PYGB: variants seen among roughly 807,000 people sequenced by gnomAD.
PYGB encodes the protein glycogen phosphorylase, brain form.
A neutral mutation model predicts 94.3 loss-of-function variants in PYGB; 82 were observed. The ratio of observed to expected loss-of-function variants is 0.87; its 90% CI spans 0.73 to 1.04. PYGB has a LOEUF of 1.04. Ranked by LOEUF, PYGB falls within the 50% of genes least tolerant of loss-of-function variation. The probability of loss-of-function intolerance (pLI) is 0.00; values close to 1 mark genes in which losing one functional copy is unlikely to be tolerated. For synonymous variants in PYGB, 488 were observed against 479.1 expected (o/e 1.02, Z -0.24); for missense variants, 1,132 against 1,158.2 (o/e 0.98, Z 0.33).
Position 25,290,709 on chromosome 20 carries a change from C to T in PYGB, c.1969+87C>T, listed in dbSNP as rs1049813500. ...TGGCCCCGGGCCTTTCATCCTCAGC[C>T]AGTTCAGCTCTGCCTGGACACCCAG... is the stretch of plus-strand genomic sequence containing the variant. On this transcript the variant is annotated intron_variant, in intron 16 of 19. Coordinates refer to ENST00000216962, the MANE Select transcript of PYGB (RefSeq NM_002862.4). 3 of 1,532,954 alleles carry T rather than the reference C, an allele frequency of 2.0e-6. No individual in the cohort carries two copies. The African/African-American group carries it at 4.1e-5, about 21-fold the overall frequency. The allele number at this position is 1,532,954 out of a possible 1,614,324, so 95.0% of individuals were successfully genotyped here. A position where few individuals can be genotyped will look rare whatever the true frequency, so the allele number is the denominator to read the frequency against.
intron 2 of PYGB, among the ~76,000 whole-genome samples, chr20:25,259,952 G>T (rs994366526): frequency 1.3e-5 from 2 of 152,128 alleles, no homozygotes; most frequent in East Asian, 1.9e-4. Flanking sequence ...GCATAGATGG[G>T]TGCCTTCATG....
chr20:25,249,655 G>A (rs1158565145), intron 1 of PYGB, among the ~76,000 whole-genome samples: 1 of 152,218 alleles, frequency 6.6e-6, no homozygotes, highest in Non-Finnish European at 1.5e-5. Context: ...CTAAAATGGA[G>A]ATGGTAAAAG....
intron 1 of PYGB, among the ~76,000 whole-genome samples, chr20:25,258,946 C>A (rs2092907853): frequency 6.6e-6 from 1 of 152,258 alleles, no homozygotes; most frequent in Admixed American, 6.5e-5. Flanking sequence ...TTGGCCCCAA[C>A]CACCAACCTG....
Position 25,282,099 on chromosome 20 carries a change from C to T in PYGB, c.1470C>T (p.Arg490=). ...FQNKTNGITP[R]RWLLLCNPGL... ...ATAAGACCAATGGCATCACCCCCCGCCGGTGGCTGCTGCTGTGCAACCCGG... is the reference window on the plus strand; with the variant it reads ...ATAAGACCAATGGCATCACCCCCCGTCGGTGGCTGCTGCTGTGCAACCCGG... Residue 490 remains arginine, a synonymous_variant, in exon 12 of 20, where the codon CGC becomes CGT. Coordinates refer to ENST00000216962, the MANE Select transcript of PYGB (RefSeq NM_002862.4). The T allele has an allele frequency of 1.2e-6, 2 of 1,613,820 alleles. No individual in the cohort carries two copies. Among genetic ancestry groups the T allele is most frequent in the South Asian group, 2.2e-5 (2 of 91,074 alleles).
chr20:25,278,541 CA>C (rs2088335815), intron 8 of PYGB, 79 bp downstream of exon 8: 14 of 1,558,008 alleles, frequency 9.0e-6, no homozygotes, highest in Non-Finnish European at 1.1e-5. Context: ...TCTCATGTCC[CA>C]AAAGGGGCTA....
rs1015291442 is a variant in PYGB, at chr20:25,281,190, A to G, written c.1403+78A>G. The G allele has an allele frequency of 3.5e-5, 54 of 1,547,910 alleles. 1 individual carries two copies. The African/African-American group carries it at 4.1e-4, about 12-fold the overall frequency. On this transcript the variant is annotated intron_variant, in intron 11 of 19. Transcript: ENST00000216962. The stretch of plus-strand genomic sequence containing the variant: ...GCGTCTAGGACCATCCACCAAACAC[A>G]TGGACCCAGCTATATAGCATACAAC...
intron 2 of PYGB, among the ~76,000 whole-genome samples, chr20:25,267,930 A>G (rs1236269151): frequency 1.3e-5 from 2 of 152,204 alleles, no homozygotes. Context: ...ACAGGAAGGA[A>G]CTAAACATCT....
chr20:25,292,822 G>C (rs934632191), intron 17 of PYGB, among the ~76,000 whole-genome samples: 4 of 152,120 alleles, frequency 2.6e-5, no homozygotes, highest in African/African-American at 7.2e-5. Flanking sequence ...AGGCCCACGT[G>C]GGGGTGCTGG....
At chr20:25,290,371 G>A in intron 15 of PYGB, 110 bp from the exon 16 acceptor site, 1 of 1,406,918 alleles carries the variant, frequency 7.1e-7, no homozygotes. Context: ...CCCGACGGCA[G>A]GTTCCTGTGG....
chr20:25,251,057 T>A (rs2092886539), intron 1 of PYGB: 1 of 152,082 alleles, frequency 6.6e-6, no homozygotes, highest in African/African-American at 2.4e-5. Flanking sequence ...AGCGAAAGAG[T>A]AGAAGTTGGG....
At chr20:25,283,834 C>T (rs377638369) in intron 13 of PYGB, among the ~76,000 whole-genome samples, 17 of 152,184 alleles carry the variant, frequency 1.1e-4, no homozygotes, top group African/African-American at 4.1e-4. Flanking sequence ...ACGCCTGGCT[C>T]TGCAGTGTCT....
chr20:25,290,382 C>A, intron 15 of PYGB, 99 bp from the exon 16 acceptor site: 1 of 1,469,592 alleles, frequency 6.8e-7, no homozygotes, highest in Non-Finnish European at 9.4e-7. Context: ...GTTCCTGTGG[C>A]TCTAGCCTCA....
chr20:25,279,231 G>GC, intron 9 of PYGB, 82 bp downstream of exon 9: 8 of 1,417,802 alleles, frequency 5.6e-6, no homozygotes, highest in Non-Finnish European at 7.8e-6. Flanking sequence ...GAGCTGGGGG[G>GC]CCTCTTCCCT....
At chr20:25,289,930 G>A in intron 15 of PYGB, 1 of 533,522 alleles carries the variant, frequency 1.9e-6, no homozygotes, top group South Asian at 1.4e-5. Flanking sequence ...TGTTCACTCG[G>A]GTACTTCATG....
At chr20:25,293,468 C>T (rs189955982) in intron 17 of PYGB, among the ~76,000 whole-genome samples, 2 of 152,232 alleles carry the variant, frequency 1.3e-5, no homozygotes, top group South Asian at 2.1e-4. Context: ...TGATTCCAAG[C>T]GATAATTACA....
chr20:25,281,937 G>A lies in PYGB; in HGVS notation c.1404-96G>A. 6.7e-6 allele frequency: 7 copies of A among 1,037,270 alleles called. No homozygotes were observed. In the South Asian group the frequency reaches 9.0e-5, roughly 13 times the overall value. The allele number at this position is 1,037,270 out of a possible 1,614,324, so 64.3% of individuals were successfully genotyped here. A position where few individuals can be genotyped will look rare whatever the true frequency, so the allele number is the denominator to read the frequency against. ...ACAGAACAGAACCACTGAGCTTGAG[G>A]GCTCCTGGGACCTCCTTAAAAGGAC... On this transcript the variant is annotated intron_variant, in intron 11 of 19. Transcript: ENST00000216962.
intron 5 of PYGB, 127 bp from the exon 6 acceptor site, chr20:25,276,519 C>T: frequency 2.8e-6 from 2 of 709,980 alleles, no homozygotes; most frequent in Non-Finnish European, 2.4e-6. Context: ...TGTGTTTGGG[C>T]AGAAGGGGGA....
intron 1 of PYGB, among the ~76,000 whole-genome samples, chr20:25,258,794 T>C (rs1267431883): frequency 1.3e-5 from 2 of 152,270 alleles, no homozygotes; most frequent in Non-Finnish European, 2.9e-5. Context: ...CTAGAAGTTG[T>C]GCTCAGGGCT....
chr20:25,273,605 CT>C (rs1241005068), intron 4 of PYGB, among the ~76,000 whole-genome samples: 1 of 152,168 alleles, frequency 6.6e-6, no homozygotes, highest in African/African-American at 2.4e-5. Context: ...AAGCAGCCCC[CT>C]AGTGCTTCTG....
Sources: allele counts gnomAD v4.1 joint callset (sites outside exome capture counted in the v4.1 genomes callset), GRCh38; gene constraint gnomAD v4.1.1; transcripts MANE v1.5; gene names NCBI Gene and HGNC (gene_info 2026-07-23, HGNC 2026-07-21).